PCDH9: variants seen among roughly 807,000 people sequenced by gnomAD.
The protein encoded by PCDH9 is protocadherin 9, also known as protocadherin-9.
Under a neutral mutation model 70.6 loss-of-function variants are expected in PCDH9, and 24 were observed. That is an observed-to-expected ratio of 0.34 (90% CI 0.25 to 0.48). The LOEUF (loss-of-function observed/expected upper bound fraction) is 0.48. Among genes scored for constraint, PCDH9 ranks in the 20% least tolerant of loss-of-function variants. The pLI is 0.99. For synonymous variants in PCDH9, 562 were observed against 558.5 expected (o/e 1.01, Z -0.09); for missense variants, 1,281 against 1,503.6 (o/e 0.85, Z 2.45).
At chr13:66,936,632 G>A (rs1238941355) in intron 2 of PCDH9, among the ~76,000 whole-genome samples, 1 of 152,074 alleles carries the variant, frequency 6.6e-6, no homozygotes, top group Admixed American at 6.6e-5. Flanking sequence ...TTTCACACAT[G>A]GCTGTTTCAT....
chr13:67,073,995 G>A (rs576284093), intron 2 of PCDH9, among the ~76,000 whole-genome samples: 2 of 152,050 alleles, frequency 1.3e-5, no homozygotes, highest in South Asian at 4.2e-4. Flanking sequence ...AAGAAGACTA[G>A]GTCCATATCC....
chr13:66,483,682 T>C (rs1054386331), intron 4 of PCDH9, among the ~76,000 whole-genome samples: 13 of 152,154 alleles, frequency 8.5e-5, no homozygotes, highest in Admixed American at 8.5e-4. Flanking sequence ...CATGGTCCCT[T>C]TAAGTGATAC....
chr13:66,483,627 T>C (rs1566360951), intron 4 of PCDH9, among the ~76,000 whole-genome samples: 1 of 152,178 alleles, frequency 6.6e-6, no homozygotes, highest in Non-Finnish European at 1.5e-5. Context: ...TAACAGGAAA[T>C]GGCAGCACGG....
intron 3 of PCDH9, among the ~76,000 whole-genome samples, chr13:66,664,456 A>T (rs1412343488): frequency 1.3e-5 from 2 of 150,350 alleles, no homozygotes; most frequent in Non-Finnish European, 2.9e-5. Flanking sequence ...TTTTTTTTTA[A>T]ACAAAGATTC....
intron 3 of PCDH9, among the ~76,000 whole-genome samples, chr13:66,820,955 C>T (rs1477228464): frequency 6.6e-6 from 1 of 152,016 alleles, no homozygotes; most frequent in Non-Finnish European, 1.5e-5. Flanking sequence ...ATGTTTACCT[C>T]TGTAACAAAC....
chr13:66,809,550 C>T (rs1046128340), intron 3 of PCDH9, among the ~76,000 whole-genome samples: 1 of 152,102 alleles, frequency 6.6e-6, no homozygotes, highest in Admixed American at 6.5e-5. Context: ...CTCCCTATGG[C>T]TTGGATAAAT....
At chr13:66,649,962 A>T (rs2077827347) in intron 3 of PCDH9, among the ~76,000 whole-genome samples, 1 of 147,608 alleles carries the variant, frequency 6.8e-6, no homozygotes, top group Non-Finnish European at 1.5e-5. Flanking sequence ...ACCTCAAATT[A>T]AAAAAAAAAC....
intron 2 of PCDH9, among the ~76,000 whole-genome samples, chr13:67,175,272 G>T (rs2088419474): frequency 6.6e-6 from 1 of 152,170 alleles, no homozygotes; most frequent in Non-Finnish European, 1.5e-5. Flanking sequence ...TCGTAGGAAA[G>T]TAATTTTTGT....
intron 2 of PCDH9, among the ~76,000 whole-genome samples, chr13:67,151,232 T>C (rs1385021848): frequency 6.6e-6 from 1 of 152,182 alleles, no homozygotes; most frequent in Non-Finnish European, 1.5e-5. Flanking sequence ...CTCTGTACTA[T>C]CTTGAAATAG....
chr13:66,461,067 C>T (rs888324639), intron 4 of PCDH9, among the ~76,000 whole-genome samples: 1 of 151,768 alleles, frequency 6.6e-6, no homozygotes, highest in Non-Finnish European at 1.5e-5. Context: ...CCATATCCTC[C>T]TCCCTTCCAG....
chr13:66,382,241 C>T (rs1956861483), intron 4 of PCDH9, among the ~76,000 whole-genome samples: 1 of 152,020 alleles, frequency 6.6e-6, no homozygotes. Flanking sequence ...GAAAATGACC[C>T]TAATTCAAAT....
At chr13:66,623,758 C>T (rs1167006943) in intron 4 of PCDH9, among the ~76,000 whole-genome samples, 1 of 152,154 alleles carries the variant, frequency 6.6e-6, no homozygotes, top group Non-Finnish European at 1.5e-5. Context: ...CAGTTTTAGA[C>T]AAATAACAAA....
chr13:66,618,219 C>T (rs1855412717), intron 4 of PCDH9, among the ~76,000 whole-genome samples: 1 of 152,110 alleles, frequency 6.6e-6, no homozygotes, highest in South Asian at 2.1e-4. Flanking sequence ...AGTTTTGTGG[C>T]GGTGGGACAA....
At chr13:67,066,593 G>T (rs1310248248) in intron 2 of PCDH9, among the ~76,000 whole-genome samples, 1 of 152,112 alleles carries the variant, frequency 6.6e-6, no homozygotes, top group Non-Finnish European at 1.5e-5. Flanking sequence ...ATTTAAGCCA[G>T]ATATGGAGAA....
chr13:66,809,107 T>C (rs919281871), intron 3 of PCDH9, among the ~76,000 whole-genome samples: 2 of 151,996 alleles, frequency 1.3e-5, no homozygotes, highest in African/African-American at 2.4e-5. Flanking sequence ...GCCACCACGC[T>C]CGACTAATTT....
At chr13:67,087,081 GT>G (rs1319573201) in intron 2 of PCDH9, among the ~76,000 whole-genome samples, 1 of 94,770 alleles carries the variant, frequency 1.1e-5, no homozygotes, top group East Asian at 3.4e-4. Flanking sequence ...GAGTTTTGAT[GT>G]TTTGTAAAAA....
chr13:66,899,991 C>G (rs1033247203), intron 3 of PCDH9, among the ~76,000 whole-genome samples: 4 of 151,882 alleles, frequency 2.6e-5, no homozygotes, highest in African/African-American at 9.7e-5. Context: ...ATTCTAGGAT[C>G]GAATTCTAAT....
chr13:66,920,033 A>G (rs2082614789), intron 2 of PCDH9, among the ~76,000 whole-genome samples: 1 of 151,046 alleles, frequency 6.6e-6, no homozygotes. Context: ...TAACCTGAAT[A>G]ATATGCTATC....
chr13:66,815,615 T>C (rs1195364848), intron 3 of PCDH9, among the ~76,000 whole-genome samples: 1 of 152,110 alleles, frequency 6.6e-6, no homozygotes, highest in Non-Finnish European at 1.5e-5. Context: ...ACCGTGTCCT[T>C]TGCAGGATAC....
Sources: allele counts gnomAD v4.1 joint callset (sites outside exome capture counted in the v4.1 genomes callset), GRCh38; gene constraint gnomAD v4.1.1; transcripts MANE v1.5; gene names NCBI Gene and HGNC (gene_info 2026-07-23, HGNC 2026-07-21).